Variants in C2orf42 observed in about 807,000 individuals in gnomAD.
C2orf42 encodes the protein uncharacterized protein C2orf42.
A neutral mutation model predicts 58.9 loss-of-function variants in C2orf42; 44 were observed. That is an observed-to-expected ratio of 0.75 (90% confidence interval 0.59 to 0.96). The LOEUF is 0.96. Ranked by LOEUF, C2orf42 falls within the 40% of genes least tolerant of loss-of-function variation. The pLI is 0.00. For synonymous variants in C2orf42, 239 were observed against 265.4 expected (o/e 0.90, Z 0.97); for missense variants, 630 against 699.2 (o/e 0.90, Z 1.12).
Position 70,181,393 on chromosome 2 carries a change from T to C in C2orf42, c.593A>G (p.Lys198Arg). 1 of 1,614,196 alleles carries C rather than the reference T, an allele frequency of 6.2e-7. No homozygotes were observed. The highest frequency in any genetic ancestry group is 8.5e-7 in the Non-Finnish European group (1 of 1,180,028). ...TGTATGCAAATACCCCAAACTGTGC[T>C]TCTGGCTTGCCTTGCATTTCACCAC... ...ILVVKCKASQKHSLGYLHTSF... is the reference protein window; with the variant it reads ...ILVVKCKASQRHSLGYLHTSF... The change falls in exon 3 of 10, where the codon AAG (lysine) becomes AGG (arginine). Residue 198 changes from lysine to arginine, a missense_variant. Lys to Arg is a conservative substitution (Grantham distance 26). Coordinates refer to ENST00000264434, the MANE Select transcript of C2orf42 (RefSeq NM_017880.3).
rs778380987 is a variant in C2orf42, at chr2:70,181,374, C to G, written c.612G>C (p.Leu204Phe). The change falls in exon 3 of 10, where the codon TTG (leucine) becomes TTC (phenylalanine). Residue 204 changes from leucine to phenylalanine, a missense_variant. Physicochemically the swap from Leu to Phe is conservative, Grantham distance 22 (BLOSUM62 0). Transcript: ENST00000264434. ...KASQKHSLGY[L>F]HTSFVQKVSG... is the part of the protein sequence containing the mutation. ...TGACTTTCTGCACAAAAGATGTATG[C>G]AAATACCCCAAACTGTGCTTCTGGC... 6 of 1,614,062 alleles carry G rather than the reference C, an allele frequency of 3.7e-6. No individual in the cohort carries two copies. Among genetic ancestry groups the G allele is most frequent in the Non-Finnish European group, 4.2e-6 (5 of 1,179,964 alleles).
chr2:70,175,360 A>T (rs188863224), intron 5 of C2orf42, among the ~76,000 whole-genome samples: 29 of 152,276 alleles, frequency 1.9e-4, no homozygotes, highest in African/African-American at 7.0e-4. Context: ...TTCACCCTCC[A>T]ATAAGCCCCA....
Position 70,181,611 on chromosome 2 carries a change from A to G in C2orf42, c.375T>C (p.Thr125=), listed in dbSNP as rs1232679879. 1 of 1,614,064 alleles carries G rather than the reference A, an allele frequency of 6.2e-7. No individual in the cohort carries two copies. The highest frequency in any genetic ancestry group is 8.5e-7 in the Non-Finnish European group (1 of 1,180,014). Residue 125 remains threonine (T), a synonymous_variant, in exon 3 of 10, where the codon ACT becomes ACC. Transcript: ENST00000264434. The stretch of plus-strand genomic sequence containing the variant: ...GGCACTGGTTTTCCACAACGCCTTG[A>G]GTGGCAGCTTTCAGGCATGAGGGGA... ...CYVPSCLKAA[T]QGVVENQCQH...
Position 70,189,663 on chromosome 2 carries a change from A to G in C2orf42, c.-282+1310T>C, listed in dbSNP as rs551567533. 1.0e-4 allele frequency among the ~76,000 whole-genome samples: 15 copies of G among 148,814 alleles called. No individual in the cohort carries two copies. The East Asian group carries it at 3.0e-3, about 30-fold the overall frequency. ...ACCCTGGGGGGTGGAGCCTGCAGTG[A>G]GCCGAGATCGTGCCACTGCACTCCA... On this transcript the variant is annotated intron_variant, in intron 1 of 9. Coordinates refer to ENST00000264434, the MANE Select transcript of C2orf42 (RefSeq NM_017880.3).
Position 70,182,762 on chromosome 2 carries a change from C to T in C2orf42, c.-108G>A, listed in dbSNP as rs1418065310. ...AGTTTCTAATGATCAGGTGAAAACA[C>T]GATCATTTGCAGACTAATGATAACT... On this transcript the variant is annotated 5_prime_UTR_variant, in exon 2 of 10. The change creates a new upstream start codon in the 5' untranslated region. Coordinates refer to ENST00000264434, the MANE Select transcript of C2orf42 (RefSeq NM_017880.3). 2 of 152,160 alleles carry T rather than the reference C, an allele frequency of 1.3e-5. No homozygotes were observed. Among genetic ancestry groups the T allele is most frequent in the African/African-American group, 2.4e-5 (1 of 41,426 alleles). 9.4% of individuals were successfully genotyped at this position (152,160 alleles called of 1,614,324 possible).
At chr2:70,171,005 C>T (rs1673773688) in intron 5 of C2orf42, among the ~76,000 whole-genome samples, 1 of 151,798 alleles carries the variant, frequency 6.6e-6, no homozygotes, top group Non-Finnish European at 1.5e-5. Flanking sequence ...GTCCCAGCTA[C>T]TCGGGAGGCT....
chr2:70,160,062 G>A lies in C2orf42; in HGVS notation c.1516+563C>T, dbSNP rs148813047. Among the ~76,000 whole-genome samples the A allele has an allele frequency of 1.7e-3, 251 of 151,378 alleles. 1 individual carries two copies. The highest frequency in any genetic ancestry group is 7.0e-3 in the Middle Eastern group (2 of 286). On this transcript the variant is annotated intron_variant, in intron 9 of 9. Transcript: ENST00000264434. ...ATACAAAACTGAAGAAACAAAGGGA[G>A]GCCACCAGATAGATCACAAAGCTAA...
intron 9 of C2orf42, among the ~76,000 whole-genome samples, chr2:70,156,830 C>G (rs1413794963): frequency 3.3e-5 from 5 of 150,344 alleles, no homozygotes; most frequent in African/African-American, 9.8e-5. Flanking sequence ...CCACTGCACT[C>G]CAGCTTGGGT....
intron 9 of C2orf42, among the ~76,000 whole-genome samples, chr2:70,153,179 A>G (rs1672417116): frequency 6.6e-6 from 1 of 152,026 alleles, no homozygotes; most frequent in African/African-American, 2.4e-5. Context: ...TTTTTTTCCT[A>G]TATTCCATTA....
chr2:70,178,518 A>C (rs1443180955), intron 4 of C2orf42, among the ~76,000 whole-genome samples: 1 of 152,126 alleles, frequency 6.6e-6, no homozygotes, highest in African/African-American at 2.4e-5. Flanking sequence ...GAGGCAGAAG[A>C]ATTGCTTGAA....
At chr2:70,187,161 G>A (rs1450137574) in intron 1 of C2orf42, among the ~76,000 whole-genome samples, 2 of 152,154 alleles carry the variant, frequency 1.3e-5, no homozygotes, top group Non-Finnish European at 2.9e-5. Flanking sequence ...AAGGGAGGAG[G>A]TGGTTTGCCA....
intron 4 of C2orf42, among the ~76,000 whole-genome samples, chr2:70,176,457 C>T (rs180874101): frequency 1.3e-4 from 20 of 151,304 alleles, no homozygotes; most frequent in African/African-American, 4.4e-4. Context: ...TGAGCCGAGA[C>T]TGCGCCACTG....
In C2orf42 at chr2:70,169,676, A is replaced by C. The variant is rs748909421; in HGVS notation, c.1040-15T>G. 2.5e-5 allele frequency: 31 copies of C among 1,223,246 alleles called. No individual in the cohort carries two copies. The highest frequency in any genetic ancestry group is 1.8e-4 in the South Asian group (15 of 83,342). 75.8% of individuals were successfully genotyped at this position (1,223,246 alleles called of 1,614,324 possible). ...CTGACCACAGGCTAGGGAAAAAAAA[A>C]CCACACATACACACTTCTTTAGTAA... On this transcript the variant is annotated splice_polypyrimidine_tract_variant and intron_variant, in intron 5 of 9. Transcript: ENST00000264434.
At chr2:70,154,539 A>C (rs1483922945) in intron 9 of C2orf42, among the ~76,000 whole-genome samples, 2 of 152,050 alleles carry the variant, frequency 1.3e-5, no homozygotes, top group Non-Finnish European at 2.9e-5. Context: ...AGAAAACAGA[A>C]AGATTAGAAA....
At position 70,181,307 on chromosome 2, in the gene C2orf42, G is replaced by C; in HGVS notation, c.679C>G (p.Gln227Glu). The stretch of plus-strand genomic sequence containing the variant: ...TTTGACTTGTGCGATTTCAGAGTCT[G>C]ACAGGAGCAGAAGAAGCGGCGCTCA... ...LPERRFFCSC[Q>E]TLKSHKSNAS... Residue 227 changes from glutamine to glutamate, a missense_variant, in exon 3 of 10, where the codon CAG becomes GAG. By Grantham distance (29) the Gln-to-Glu change is conservative. Coordinates refer to ENST00000264434, the MANE Select transcript of C2orf42 (RefSeq NM_017880.3). 1 of 1,614,058 alleles carries C rather than the reference G, an allele frequency of 6.2e-7. No homozygotes were observed. Among genetic ancestry groups the C allele is most frequent in the Non-Finnish European group, 8.5e-7 (1 of 1,179,958 alleles).
chr2:70,185,403 C>T (rs903962258), intron 1 of C2orf42, among the ~76,000 whole-genome samples: 8 of 127,492 alleles, frequency 6.3e-5, no homozygotes, highest in East Asian at 2.5e-4. Context: ...AGTGAAATTC[C>T]GTGTCAAAAA....
intron 3 of C2orf42, among the ~76,000 whole-genome samples, chr2:70,180,551 T>C (rs1174739811): frequency 7.5e-6 from 1 of 132,460 alleles, no homozygotes; most frequent in Non-Finnish European, 1.5e-5. Context: ...GGGGTTGCGG[T>C]GAGCCAAGGT....
At chr2:70,177,546 T>A (rs1674274810) in intron 4 of C2orf42, among the ~76,000 whole-genome samples, 1 of 152,212 alleles carries the variant, frequency 6.6e-6, no homozygotes, top group Admixed American at 6.6e-5. Context: ...TTCTCCATCT[T>A]TCTTCAACTT....
chr2:70,169,930 T>C (rs1207846209), intron 5 of C2orf42, among the ~76,000 whole-genome samples: 2 of 151,836 alleles, frequency 1.3e-5, no homozygotes, highest in African/African-American at 4.8e-5. Context: ...GGCTAATTGT[T>C]GTATTTTTAG....
Sources: gnomAD v4.1 joint callset for allele counts (sites outside exome capture counted in the v4.1 genomes callset) on GRCh38, gnomAD v4.1.1 for gene constraint, MANE v1.5 for transcripts, NCBI Gene and HGNC (gene_info 2026-07-23, HGNC 2026-07-21) for gene names.